MGAM2: variants seen among roughly 807,000 people sequenced by gnomAD.
The protein encoded by MGAM2 is maltase-glucoamylase 2 (putative), also known as probable maltase-glucoamylase 2.
A neutral mutation model predicts 96.1 loss-of-function variants in MGAM2; 98 were observed. The ratio of observed to expected loss-of-function variants is 1.02; its 90% CI spans 0.87 to 1.21. The LOEUF (loss-of-function observed/expected upper bound fraction) is 1.21, where lower values mean the gene tolerates loss of function less well. Among genes scored for constraint, MGAM2 ranks in the 50% most tolerant of loss-of-function variants. The pLI, the probability that MGAM2 is intolerant of heterozygous loss-of-function variation, is 0.00. For synonymous variants in MGAM2, 749 were observed against 414.8 expected, an observed-to-expected ratio of 1.81 and a Z score of -9.79; for missense variants, 2,055 against 1,182.4, an observed-to-expected ratio of 1.74 and a Z score of -10.82.
chr7:142,205,530 G>C (rs1485041470), intron 45 of MGAM2, among the ~76,000 whole-genome samples: 1 of 151,776 alleles, frequency 6.6e-6, no homozygotes, highest in African/African-American at 2.4e-5. Flanking sequence ...AGTTTTTTGT[G>C]GTTTTGATTA....
chr7:142,171,448 C>G lies in MGAM2; in HGVS notation c.3351+8C>G. On this transcript the variant is annotated splice_region_variant and intron_variant, in intron 28 of 47. Coordinates refer to ENST00000477922, the MANE Select transcript of MGAM2 (RefSeq NM_001293626.2). ...CATGATGAGCCACCTGCGGTAGGGA[C>G]AAAGGAATAAGTTTAGCAATCAGTT... is the stretch of plus-strand genomic sequence containing the variant. 1 of 702,258 alleles carries G rather than the reference C, an allele frequency of 1.4e-6. No individual in the cohort carries two copies. Among genetic ancestry groups the G allele is most frequent in the Non-Finnish European group, 2.6e-6 (1 of 384,292 alleles). 43.5% of individuals were successfully genotyped at this position (702,258 alleles called of 1,614,324 possible). A position where few individuals can be genotyped will look rare whatever the true frequency, so the allele number is the denominator to read the frequency against.
At chr7:142,201,066 T>C (rs896612872) in intron 45 of MGAM2, among the ~76,000 whole-genome samples, 1 of 104,764 alleles carries the variant, frequency 9.5e-6, no homozygotes, top group African/African-American at 3.8e-5. Flanking sequence ...AATAACATCC[T>C]TTTTCTTTTT....
chr7:142,140,161 C>CGGCT (rs1795178699), intron 10 of MGAM2, among the ~76,000 whole-genome samples: 1 of 152,148 alleles, frequency 6.6e-6, no homozygotes, highest in Non-Finnish European at 1.5e-5. Flanking sequence ...GCCAAAGAGC[C>CGGCT]TGTCCCCAAA....
intron 3 of MGAM2, among the ~76,000 whole-genome samples, chr7:142,123,944 T>C (rs1210089010): frequency 1.3e-5 from 2 of 150,492 alleles, no homozygotes; most frequent in Non-Finnish European, 3.0e-5. Context: ...GTATATGGTA[T>C]CAGGTAAGAG....
At chr7:142,181,069 G>C (rs1019836464) in intron 32 of MGAM2, among the ~76,000 whole-genome samples, 1 of 152,122 alleles carries the variant, frequency 6.6e-6, no homozygotes, top group Admixed American at 6.5e-5. Flanking sequence ...AGAAACCATT[G>C]CTGGGGAGCT....
intron 12 of MGAM2, among the ~76,000 whole-genome samples, 199 bp from the exon 13 acceptor site, chr7:142,143,570 C>G (rs1180922507): frequency 3.9e-5 from 6 of 152,172 alleles, no homozygotes; most frequent in African/African-American, 1.4e-4. Flanking sequence ...TTTCATTGAT[C>G]TACTCTGTTG....
chr7:142,199,382 GA>G (rs1797147938), intron 44 of MGAM2, among the ~76,000 whole-genome samples: 1 of 152,216 alleles, frequency 6.6e-6, no homozygotes, highest in African/African-American at 2.4e-5. Flanking sequence ...AAAGGGGAAA[GA>G]GAGATCCTGG....
chr7:142,144,250 C>T (rs1274517090), intron 13 of MGAM2, among the ~76,000 whole-genome samples: 4 of 152,216 alleles, frequency 2.6e-5, no homozygotes, highest in Non-Finnish European at 5.9e-5. Flanking sequence ...ATGAGGGTCT[C>T]GTATTTTTAT....
At chr7:142,149,528 G>T (rs1258282329) in intron 15 of MGAM2, among the ~76,000 whole-genome samples, 1 of 151,012 alleles carries the variant, frequency 6.6e-6, no homozygotes, top group African/African-American at 2.4e-5. Context: ...ATCTTCTGAC[G>T]TTGTCTACTT....
intron 46 of MGAM2, among the ~76,000 whole-genome samples, chr7:142,208,923 G>A (rs925700929): frequency 2.0e-5 from 3 of 152,164 alleles, no homozygotes; most frequent in Non-Finnish European, 4.4e-5. Context: ...GATAAATTTT[G>A]AAAGAAAAAT....
intron 17 of MGAM2, among the ~76,000 whole-genome samples, chr7:142,156,102 G>A (rs574822918): frequency 2.0e-5 from 3 of 151,636 alleles, no homozygotes; most frequent in East Asian, 1.9e-4. Flanking sequence ...CTGGGATCGC[G>A]CCATTGCACT....
chr7:142,207,401 C>CATTT (rs527841518), intron 45 of MGAM2, among the ~76,000 whole-genome samples: 2,120 of 151,828 alleles, frequency 0.014, 40 homozygotes, highest in African/African-American at 0.043. Flanking sequence ...GTAAAGGCTA[C>CATTT]ATTTATTTAT....
chr7:142,215,771 A>C (rs1034693029), intron 46 of MGAM2, among the ~76,000 whole-genome samples: 5 of 152,096 alleles, frequency 3.3e-5, no homozygotes, highest in South Asian at 4.1e-4. Context: ...AAAAAAAAAA[A>C]AAAAAACCTC....
intron 45 of MGAM2, among the ~76,000 whole-genome samples, chr7:142,204,075 T>C (rs1477348426): frequency 1.3e-5 from 2 of 152,058 alleles, no homozygotes; most frequent in African/African-American, 4.8e-5. Context: ...TTTTTTTCTC[T>C]GTCTCTTTCT....
intron 6 of MGAM2, among the ~76,000 whole-genome samples, chr7:142,133,067 A>G (rs1482778673): frequency 3.0e-5 from 4 of 133,874 alleles, no homozygotes; most frequent in African/African-American, 1.1e-4. Flanking sequence ...GTTTAATTAT[A>G]TTTAATTTAT....
chr7:142,130,285 T>C, intron 3 of MGAM2, among the ~76,000 whole-genome samples: 1 of 152,216 alleles, frequency 6.6e-6, no homozygotes, highest in East Asian at 1.9e-4. Context: ...GCTTACTTTT[T>C]GGAAATGCAT....
chr7:142,156,595 A>G (rs75039591), intron 17 of MGAM2, among the ~76,000 whole-genome samples: 1,847 of 152,322 alleles, frequency 0.012, 32 homozygotes, highest in African/African-American at 0.041. Context: ...ACCATAGTGG[A>G]CAGCACAGCT....
chr7:142,153,837 A>G (rs1795654425), intron 15 of MGAM2, among the ~76,000 whole-genome samples, 181 bp from the exon 16 acceptor site: 1 of 152,230 alleles, frequency 6.6e-6, no homozygotes, highest in South Asian at 2.1e-4. Flanking sequence ...ATGAGATCTG[A>G]AATCTTACCC....
intron 23 of MGAM2, among the ~76,000 whole-genome samples, chr7:142,164,197 T>C (rs1795965615): frequency 6.6e-6 from 1 of 152,222 alleles, no homozygotes; most frequent in Non-Finnish European, 1.5e-5. Flanking sequence ...TCTAATTTTT[T>C]AAGTTATCAA....
Sources: gnomAD v4.1 joint callset for allele counts (sites outside exome capture counted in the v4.1 genomes callset) on GRCh38, gnomAD v4.1.1 for gene constraint, MANE v1.5 for transcripts, NCBI Gene and HGNC (gene_info 2026-07-23, HGNC 2026-07-21) for gene names.